The following ULK4 variants were observed in gnomAD, a reference collection of about 807,000 sequenced individuals.
The protein encoded by ULK4 is inactive serine/threonine-protein kinase ULK4.
ULK4 carries 133 observed loss-of-function variants against 160.6 expected under a neutral mutation model. The ratio of observed to expected loss-of-function variants is 0.83; its 90% CI spans 0.72 to 0.96. The LOEUF (loss-of-function observed/expected upper bound fraction) is 0.96. Ranked by LOEUF, ULK4 falls within the 40% of genes least tolerant of loss-of-function variation. The pLI is 0.00. For synonymous variants in ULK4, 534 were observed against 539.8 expected, an observed-to-expected ratio of 0.99 and a Z score of 0.15; for missense variants, 1,580 against 1,499.5, an observed-to-expected ratio of 1.05 and a Z score of -0.89.
intron 29 of ULK4, among the ~76,000 whole-genome samples, chr3:41,672,884 T>C (rs1477732619): frequency 6.6e-6 from 1 of 152,206 alleles, no homozygotes; most frequent in Non-Finnish European, 1.5e-5. Flanking sequence ...TCACCGAGGC[T>C]GGAGTACAGT....
At chr3:41,507,439 A>T (rs4618197) in intron 32 of ULK4, among the ~76,000 whole-genome samples, 8,247 of 151,986 alleles carry the variant, frequency 0.054, 710 homozygotes, top group African/African-American at 0.19. Flanking sequence ...TCTTTATTTC[A>T]TGTGACTCTC....
intron 16 of ULK4, among the ~76,000 whole-genome samples, chr3:41,890,727 A>AGG (rs1559631681): frequency 1.4e-4 from 9 of 63,610 alleles, no homozygotes; most frequent in African/African-American, 2.6e-4. Context: ...GAGGGACGGG[A>AGG]GGGAAGGAAG....
intron 27 of ULK4, among the ~76,000 whole-genome samples, chr3:41,694,826 T>C (rs2036432924): frequency 6.6e-6 from 1 of 152,226 alleles, no homozygotes; most frequent in South Asian, 2.1e-4. Flanking sequence ...AAATATGTTT[T>C]ATCTGCTGTT....
At chr3:41,539,064 C>A (rs2086610191) in intron 32 of ULK4, among the ~76,000 whole-genome samples, 1 of 140,966 alleles carries the variant, frequency 7.1e-6, no homozygotes, top group African/African-American at 2.6e-5. Context: ...TATTTCTAGG[C>A]TATATGGTTT....
chr3:41,254,656 C>T (rs897595118), intron 35 of ULK4, among the ~76,000 whole-genome samples: 4 of 151,594 alleles, frequency 2.6e-5, no homozygotes, highest in African/African-American at 4.8e-5. Context: ...CTGAGGAGGG[C>T]GGATAACTTG....
At chr3:41,747,614 T>C (rs1353193136) in intron 22 of ULK4, among the ~76,000 whole-genome samples, 1 of 152,144 alleles carries the variant, frequency 6.6e-6, no homozygotes, top group Non-Finnish European at 1.5e-5. Flanking sequence ...AAGATAGGTG[T>C]GTGTTTGGAG....
intron 32 of ULK4, among the ~76,000 whole-genome samples, chr3:41,497,040 CA>C (rs56325419): frequency 0.92 from 131,341 of 142,668 alleles, 61,215 homozygotes; most frequent in Non-Finnish European, 0.99. Flanking sequence ...AACCCATAAC[CA>C]AAAAAAAAAA....
At chr3:41,476,433 C>T (rs2084145841) in intron 32 of ULK4, among the ~76,000 whole-genome samples, 1 of 152,134 alleles carries the variant, frequency 6.6e-6, no homozygotes, top group Admixed American at 6.5e-5. Context: ...CAAAGAGATG[C>T]AGGGAAGTTC....
chr3:41,666,495 GA>G (rs1308327684), intron 29 of ULK4, among the ~76,000 whole-genome samples: 1 of 152,124 alleles, frequency 6.6e-6, no homozygotes, highest in Non-Finnish European at 1.5e-5. Context: ...ATTAAAGTCA[GA>G]AATAAAATAA....
chr3:41,879,997 G>A (rs1215756203), intron 17 of ULK4, among the ~76,000 whole-genome samples: 2 of 152,098 alleles, frequency 1.3e-5, no homozygotes, highest in South Asian at 2.1e-4. Context: ...GTGCATGCCT[G>A]TAATCCCAGC....
At chr3:41,620,347 C>T (rs894396669) in intron 30 of ULK4, among the ~76,000 whole-genome samples, 1 of 152,160 alleles carries the variant, frequency 6.6e-6, no homozygotes, top group African/African-American at 2.4e-5. Context: ...CCCTGATGAA[C>T]ATCAATGTGA....
At chr3:41,835,839 A>C (rs2041737509) in intron 18 of ULK4, 25 bp downstream of exon 18, 2 of 1,508,230 alleles carry the variant, frequency 1.3e-6, no homozygotes, top group Non-Finnish European at 1.8e-6. Context: ...GTCAAACAGC[A>C]ACAGAGTTAA....
chr3:41,612,789 G>T (rs2032750303), intron 31 of ULK4, among the ~76,000 whole-genome samples: 1 of 152,120 alleles, frequency 6.6e-6, no homozygotes. Context: ...GAAGCTGCCT[G>T]CAATTCCTGC....
chr3:41,452,398 G>C (rs2083442921), intron 34 of ULK4, among the ~76,000 whole-genome samples: 1 of 152,200 alleles, frequency 6.6e-6, no homozygotes, highest in African/African-American at 2.4e-5. Flanking sequence ...CTCCAGGAGA[G>C]GAGATGGGAG....
chr3:41,932,062 A>G (rs1379016828), intron 4 of ULK4, 56 bp from the exon 5 acceptor site: 3 of 1,499,246 alleles, frequency 2.0e-6, no homozygotes, highest in African/African-American at 1.4e-5. Flanking sequence ...TTGTACATAT[A>G]TCAGTACCTC....
intron 32 of ULK4, among the ~76,000 whole-genome samples, chr3:41,551,690 T>G (rs895636964): frequency 2.0e-5 from 3 of 151,908 alleles, no homozygotes; most frequent in African/African-American, 7.2e-5. Flanking sequence ...TCTACCAAAC[T>G]TTCAAAGAAG....
chr3:41,695,966 G>A (rs972864710), intron 27 of ULK4, among the ~76,000 whole-genome samples: 1 of 152,144 alleles, frequency 6.6e-6, no homozygotes, highest in Non-Finnish European at 1.5e-5. Flanking sequence ...TGTTATACCC[G>A]GACAGGGCCA....
chr3:41,789,189 AG>A (rs1185782943), intron 21 of ULK4, among the ~76,000 whole-genome samples: 1 of 152,202 alleles, frequency 6.6e-6, no homozygotes, highest in Non-Finnish European at 1.5e-5. Context: ...TATATAATAA[AG>A]GCATATAAAG....
rs555677065 is a variant in ULK4 at position 41,391,635 on chromosome 3, T to C, written c.3678+6444A>G. On this transcript the variant is annotated intron_variant, in intron 35 of 36. Coordinates refer to ENST00000301831, the MANE Select transcript of ULK4 (RefSeq NM_017886.4). The stretch of plus-strand genomic sequence containing the variant: ...GAATTCCTGGTTTCCTCATCTGGTC[T>C]CTTTAATGACTCTGTACATAAGGAA... Among the ~76,000 whole-genome samples, 3 of 152,072 alleles carry C rather than the reference T, an allele frequency of 2.0e-5. No individual in the cohort carries two copies. In the East Asian group the frequency reaches 5.8e-4, roughly 29 times the overall value.
Sources: allele counts gnomAD v4.1 joint callset (sites outside exome capture counted in the v4.1 genomes callset), GRCh38; gene constraint gnomAD v4.1.1; transcripts MANE v1.5; gene names NCBI Gene and HGNC (gene_info 2026-07-23, HGNC 2026-07-21).